Variants in ENOX1 observed in about 807,000 individuals in gnomAD.
ENOX1 encodes candidate growth-related and time keeping constitutive hydroquinone (NADH) oxidase.
A neutral mutation model predicts 82.5 loss-of-function variants in ENOX1; 42 were observed. The observed-to-expected ratio is 0.51, with a 90% CI of 0.40 to 0.66. ENOX1 has a LOEUF of 0.66. Among genes scored for constraint, ENOX1 ranks in the 30% least tolerant of loss-of-function variants. The probability of loss-of-function intolerance (pLI) is 0.00; values close to 1 mark genes in which losing one functional copy is unlikely to be tolerated. For synonymous variants in ENOX1, 271 were observed against 282.2 expected, an observed-to-expected ratio of 0.96 and a Z score of 0.40; for missense variants, 608 against 811.6, an observed-to-expected ratio of 0.75 and a Z score of 3.05.
chr13:43,243,441 C>G (rs990836779), intron 14 of ENOX1, among the ~76,000 whole-genome samples: 1 of 152,184 alleles, frequency 6.6e-6, no homozygotes, highest in Non-Finnish European at 1.5e-5. Flanking sequence ...GTGCTCTACT[C>G]TCGGTTCTAC....
At chr13:43,592,690 C>T (rs1317834245) in intron 2 of ENOX1, among the ~76,000 whole-genome samples, 2 of 152,016 alleles carry the variant, frequency 1.3e-5, no homozygotes, top group Non-Finnish European at 2.9e-5. Flanking sequence ...AGAAATTAAG[C>T]TTTTTCTAAA....
At chr13:43,326,696 T>C (rs2048135654) in intron 9 of ENOX1, among the ~76,000 whole-genome samples, 171 bp from the exon 10 acceptor site, 2 of 152,200 alleles carry the variant, frequency 1.3e-5, no homozygotes, top group South Asian at 4.1e-4. Flanking sequence ...GTTGGGGATG[T>C]CTCCCTTCAA....
chr13:43,601,989 AT>A (rs2081743912), intron 2 of ENOX1, among the ~76,000 whole-genome samples: 2 of 152,166 alleles, frequency 1.3e-5, no homozygotes, highest in African/African-American at 4.8e-5. Context: ...TAAAGGAGAA[AT>A]AAACTATACA....
At chr13:43,524,541 C>G (rs570084823) in intron 2 of ENOX1, among the ~76,000 whole-genome samples, 2 of 152,202 alleles carry the variant, frequency 1.3e-5, no homozygotes, top group South Asian at 4.1e-4. Flanking sequence ...GCTCTCTGCT[C>G]CCATCTTCTT....
At chr13:43,455,117 G>T (rs147390928) in intron 3 of ENOX1, among the ~76,000 whole-genome samples, 2 of 152,108 alleles carry the variant, frequency 1.3e-5, no homozygotes, top group East Asian at 1.9e-4. Flanking sequence ...CTGAGAAAAG[G>T]TACATGGGAG....
rs781566467 is a variant in ENOX1 at position 43,523,683 on chromosome 13, T to C, written c.-218-39531A>G. On this transcript the variant is annotated intron_variant, in intron 2 of 16. Coordinates refer to ENST00000690772, the MANE Select transcript of ENOX1 (RefSeq NM_001347969.2). ...CCAGAGTTCTGTCCCGTCAATGCCC[T>C]ATCTCATTCCCTCCATCCTCCTGGT... Among the ~76,000 whole-genome samples, 91 of 152,262 alleles carry C rather than the reference T, an allele frequency of 6.0e-4. 1 individual carries two copies. Among genetic ancestry groups the C allele is most frequent in the Admixed American group, 2.0e-3 (31 of 15,276 alleles).
chr13:43,410,923 G>A (rs1566148418), intron 5 of ENOX1, among the ~76,000 whole-genome samples: 1 of 152,174 alleles, frequency 6.6e-6, no homozygotes, highest in Non-Finnish European at 1.5e-5. Context: ...TAAATTCTGA[G>A]AGGGCAGACC....
At chr13:43,625,893 T>C (rs2082941672) in intron 2 of ENOX1, among the ~76,000 whole-genome samples, 1 of 151,968 alleles carries the variant, frequency 6.6e-6, no homozygotes, top group African/African-American at 2.4e-5. Flanking sequence ...TCCTATTTTC[T>C]GGAAGAGACT....
chr13:43,478,460 G>A (rs998717452), intron 3 of ENOX1, among the ~76,000 whole-genome samples: 2 of 151,984 alleles, frequency 1.3e-5, no homozygotes, highest in Non-Finnish European at 2.9e-5. Context: ...CAAAAAAGAA[G>A]ACAAGACAGA....
At chr13:43,678,571 G>A (rs1208700237) in intron 1 of ENOX1, among the ~76,000 whole-genome samples, 2 of 152,124 alleles carry the variant, frequency 1.3e-5, no homozygotes, top group African/African-American at 4.8e-5. Flanking sequence ...AGGCACAATG[G>A]ACCAGTCCTG....
rs915987264 is a variant in ENOX1, at chr13:43,451,645, G to A, written c.-75+32364C>T. ...CTAGTGTTTTTATTAAAAAAGATAC[G>A]TACATGTACATGGTAAGATATATAC... is the stretch of plus-strand genomic sequence containing the variant. On this transcript the variant is annotated intron_variant, in intron 3 of 16. Coordinates refer to ENST00000690772, the MANE Select transcript of ENOX1 (RefSeq NM_001347969.2). 6.3e-4 allele frequency among the ~76,000 whole-genome samples: 96 copies of A among 152,212 alleles called. 1 individual carries two copies. The highest frequency in any genetic ancestry group is 2.6e-4 in the Non-Finnish European group (18 of 68,008).
intron 2 of ENOX1, among the ~76,000 whole-genome samples, chr13:43,635,438 G>A (rs866207605): frequency 7.2e-5 from 11 of 152,144 alleles, no homozygotes; most frequent in Middle Eastern, 3.4e-3. Context: ...CTCAGCACCC[G>A]GTGCTGTTTC....
chr13:43,544,846 T>C (rs1461008972), intron 2 of ENOX1: 2 of 152,030 alleles, frequency 1.3e-5, no homozygotes, highest in South Asian at 4.1e-4. Flanking sequence ...AAGCAGAACA[T>C]TTAGGCTGAA....
rs370266718 is a variant in ENOX1, at chr13:43,622,313, G to A, written c.-219+45166C>T. ...TGGTGTGATATTTTTGGGGGGTGTC[G>A]AAGAGCCTTGTTTTGTCATATTACC... On this transcript the variant is annotated intron_variant, in intron 2 of 16. Transcript: ENST00000690772. Among the ~76,000 whole-genome samples the A allele has an allele frequency of 3.2e-4, 49 of 152,222 alleles. No individual in the cohort carries two copies. The East Asian group carries it at 7.7e-3, about 24-fold the overall frequency.
At chr13:43,577,196 A>T (rs1247853219) in intron 2 of ENOX1, among the ~76,000 whole-genome samples, 1 of 151,716 alleles carries the variant, frequency 6.6e-6, no homozygotes, top group Non-Finnish European at 1.5e-5. Flanking sequence ...CAATGGTGCG[A>T]TGTCGGCTCA....
At chr13:43,692,937 T>C (rs2029987853) in intron 1 of ENOX1, among the ~76,000 whole-genome samples, 1 of 152,186 alleles carries the variant, frequency 6.6e-6, no homozygotes, top group Non-Finnish European at 1.5e-5. Flanking sequence ...TGAGGTGTTC[T>C]TAAATTATAG....
intron 2 of ENOX1, among the ~76,000 whole-genome samples, chr13:43,621,355 T>A (rs181903028): frequency 5.5e-4 from 84 of 152,330 alleles, no homozygotes; most frequent in African/African-American, 2.0e-3. Context: ...TCCTGTGTGA[T>A]TTATGCTTTA....
intron 15 of ENOX1, among the ~76,000 whole-genome samples, chr13:43,235,052 T>A (rs1404952991): frequency 6.6e-6 from 1 of 152,148 alleles, no homozygotes; most frequent in East Asian, 1.9e-4. Flanking sequence ...CCTAAAAGCA[T>A]TATAGGGAAA....
At chr13:43,322,793 T>A (rs1008222105) in intron 10 of ENOX1, among the ~76,000 whole-genome samples, 1 of 152,176 alleles carries the variant, frequency 6.6e-6, no homozygotes, top group African/African-American at 2.4e-5. Flanking sequence ...AACATCCACC[T>A]AATAGGGCTG....
Sources: gnomAD v4.1 joint callset for allele counts (sites outside exome capture counted in the v4.1 genomes callset) on GRCh38, gnomAD v4.1.1 for gene constraint, MANE v1.5 for transcripts, NCBI Gene and HGNC (gene_info 2026-07-23, HGNC 2026-07-21) for gene names.